Variants in NUCKS1 observed in about 807,000 individuals in gnomAD.
NUCKS1 encodes the protein nuclear ubiquitous casein and cyclin-dependent kinase substrate 1.
A neutral mutation model predicts 33.0 loss-of-function variants in NUCKS1; 2 were observed. The observed-to-expected ratio is 0.06, with a 90% CI of 0.02 to 0.19. NUCKS1 has a LOEUF of 0.19. NUCKS1 is among the 10% of genes least tolerant of loss of function. NUCKS1 has a pLI of 1.00. For missense variants in NUCKS1, 201 were observed against 293.6 expected (o/e 0.68, Z 2.31); for synonymous variants, 106 against 102.8 (o/e 1.03, Z -0.19).
At chr1:205,744,943 T>C (rs1459845136) in intron 1 of NUCKS1, among the ~76,000 whole-genome samples, 1 of 152,154 alleles carries the variant, frequency 6.6e-6, no homozygotes. Context: ...TCACGAGAGA[T>C]ATTAATGTGA....
chr1:205,742,999 G>A (rs1316853550), intron 1 of NUCKS1, among the ~76,000 whole-genome samples: 1 of 152,100 alleles, frequency 6.6e-6, no homozygotes, highest in African/African-American at 2.4e-5. Context: ...TTTTTAAAAT[G>A]CAAATTTAAC....
At chr1:205,730,682 T>C (rs552509435) in intron 1 of NUCKS1, among the ~76,000 whole-genome samples, 2 of 151,752 alleles carry the variant, frequency 1.3e-5, no homozygotes, top group African/African-American at 4.8e-5. Context: ...AGAGACGGGG[T>C]TTCACCATGT....
At chr1:205,732,664 C>T (rs538006576) in intron 1 of NUCKS1, among the ~76,000 whole-genome samples, 5 of 150,894 alleles carry the variant, frequency 3.3e-5, no homozygotes, top group Non-Finnish European at 7.4e-5. Flanking sequence ...GCCTGTAGTG[C>T]CAGCTACTTG....
At position 205,718,389 on chromosome 1, in the gene NUCKS1, T is replaced by C. The variant is rs1671866179; in HGVS notation, c.623A>G (p.Glu208Gly). 1.9e-6 allele frequency: 3 copies of C among 1,613,658 alleles called. No individual in the cohort carries two copies. The highest frequency in any genetic ancestry group is 4.5e-5 in the East Asian group (2 of 44,888). The change falls in exon 7 of 7, where the codon GAA becomes GGA. Residue 208 changes from glutamate to glycine, a missense_variant. Physicochemically the swap from Glu to Gly is moderately conservative, Grantham distance 98. Coordinates refer to ENST00000367142, the MANE Select transcript of NUCKS1 (RefSeq NM_022731.5). ...TGGCGGGCTTTCCGGTTCCTCATCT[T>C]CTTCTTTGGGAGAAGGAGTCTTTTC... ...SKEKTPSPKE[E>G]DEEPESPPEK...
In NUCKS1 at chr1:205,715,252, G is replaced by A. The variant is rs1220768050; in HGVS notation, c.*3028C>T. On this transcript the variant is annotated 3_prime_UTR_variant, in exon 7 of 7. Transcript: ENST00000367142. ...GTATTAAAATGAGGATTGAACTGGGGCAAACAGGTTATTGTGAAAACAGTC... is the reference window on the plus strand; with the variant it reads ...GTATTAAAATGAGGATTGAACTGGGACAAACAGGTTATTGTGAAAACAGTC... 6.6e-6 allele frequency: 1 copy of A among 152,176 alleles called. No individual in the cohort carries two copies. The highest frequency in any genetic ancestry group is 6.5e-5 in the Admixed American group (1 of 15,272). The allele number at this position is 152,176 out of a possible 1,614,324, so 9.4% of individuals were successfully genotyped here. A position where few individuals can be genotyped will look rare whatever the true frequency, so the allele number is the denominator to read the frequency against.
chr1:205,743,479 T>C (rs1654233095), intron 1 of NUCKS1, among the ~76,000 whole-genome samples: 1 of 152,224 alleles, frequency 6.6e-6, no homozygotes, highest in Non-Finnish European at 1.5e-5. Context: ...ACTTAACCTA[T>C]TTGTAACCTC....
In NUCKS1 at chr1:205,717,723, A is replaced by G; in HGVS notation, c.*557T>C. 1 of 985,386 alleles carries G rather than the reference A, an allele frequency of 1.0e-6. No individual in the cohort carries two copies. Among genetic ancestry groups the G allele is most frequent in the Non-Finnish European group, 1.2e-6 (1 of 829,928 alleles). The allele number at this position is 985,386 out of a possible 1,614,324, so 61.0% of individuals were successfully genotyped here. A position where few individuals can be genotyped will look rare whatever the true frequency, so the allele number is the denominator to read the frequency against. ...ACCTGCCTCATCGGTGGAAGTTTAAAGTCATGATTTTTTTTAGACATTGAT... is the reference window on the plus strand; with the variant it reads ...ACCTGCCTCATCGGTGGAAGTTTAAGGTCATGATTTTTTTTAGACATTGAT... On this transcript the variant is annotated 3_prime_UTR_variant, in exon 7 of 7. Coordinates refer to ENST00000367142, the MANE Select transcript of NUCKS1 (RefSeq NM_022731.5).
At chr1:205,741,709 A>G (rs1654180044) in intron 1 of NUCKS1, among the ~76,000 whole-genome samples, 1 of 152,246 alleles carries the variant, frequency 6.6e-6, no homozygotes, top group South Asian at 2.1e-4. Context: ...ATGAAGCAGT[A>G]TCTTGATAGA....
rs1482582599 is a variant in NUCKS1 at position 205,714,721 on chromosome 1, ATT to A, written c.*3557_*3558del. On this transcript the variant is annotated 3_prime_UTR_variant, in exon 7 of 7. Transcript: ENST00000367142. ...ACCTCAAGAGCAACCAGCTTGTTAC[ATT>A]TTCCCTATCCTATGGCAGGAAATGC... 2.6e-5 allele frequency: 4 copies of A among 152,100 alleles called. No homozygotes were observed. Among genetic ancestry groups the A allele is most frequent in the Non-Finnish European group, 5.9e-5 (4 of 68,018 alleles). 9.4% of individuals were successfully genotyped at this position (152,100 alleles called of 1,614,324 possible). A position where few individuals can be genotyped will look rare whatever the true frequency, so the allele number is the denominator to read the frequency against.
intron 1 of NUCKS1, among the ~76,000 whole-genome samples, chr1:205,744,852 G>A (rs575093298): frequency 7.9e-5 from 12 of 151,864 alleles, no homozygotes; most frequent in Non-Finnish European, 1.3e-4. Context: ...GGCTGGTCTC[G>A]AACTCCCGAC....
Position 205,717,674 on chromosome 1 carries a change from G to A in NUCKS1, c.*606C>T. On this transcript the variant is annotated 3_prime_UTR_variant, in exon 7 of 7. Transcript: ENST00000367142. ...TAAAAAATGAGTACTTTTAGTAACA[G>A]TTCAGAATTCATCTTTATCTCCTAC... is the stretch of plus-strand genomic sequence containing the variant. 1.0e-6 allele frequency: 1 copy of A among 985,164 alleles called. No individual in the cohort carries two copies. Among genetic ancestry groups the A allele is most frequent in the Non-Finnish European group, 1.2e-6 (1 of 829,892 alleles). The allele number at this position is 985,164 out of a possible 1,614,324, so 61.0% of individuals were successfully genotyped here.
At chr1:205,729,496 G>GC in intron 2 of NUCKS1, 76 bp downstream of exon 2, 1 of 972,590 alleles carries the variant, frequency 1.0e-6, no homozygotes. Flanking sequence ...TATTCCAAAA[G>GC]CATAATAAAA....
At chr1:205,727,834 C>G (rs1653815577) in intron 2 of NUCKS1, 29 bp from the exon 3 acceptor site, 1 of 1,440,364 alleles carries the variant, frequency 6.9e-7, no homozygotes, top group East Asian at 2.3e-5. Context: ...ACTTAATTAA[C>G]TATGATTTTT....
chr1:205,742,116 T>C (rs1654191584), intron 1 of NUCKS1, among the ~76,000 whole-genome samples: 1 of 152,242 alleles, frequency 6.6e-6, no homozygotes. Flanking sequence ...CACCGACTTT[T>C]ACTCTTTCAG....
At chr1:205,735,942 A>G (rs1654023586) in intron 1 of NUCKS1, among the ~76,000 whole-genome samples, 2 of 152,132 alleles carry the variant, frequency 1.3e-5, no homozygotes, top group African/African-American at 4.8e-5. Flanking sequence ...TAATACCAAA[A>G]TATCTCTTTT....
At position 205,732,652 on chromosome 1, in the gene NUCKS1, G is replaced by A. The variant is rs921068957; in HGVS notation, c.18-3031C>T. ...AAAAATTAGCTGGGCGTGGTGGTGC[G>A]TGCCTGTAGTGCCAGCTACTTGGGA... is the stretch of plus-strand genomic sequence containing the variant. On this transcript the variant is annotated intron_variant, in intron 1 of 6. Coordinates refer to ENST00000367142, the MANE Select transcript of NUCKS1 (RefSeq NM_022731.5). Among the ~76,000 whole-genome samples, 3 of 151,666 alleles carry A rather than the reference G, an allele frequency of 2.0e-5. No individual in the cohort carries two copies. In the East Asian group the frequency reaches 5.8e-4, roughly 29 times the overall value.
At chr1:205,729,296 ACACTGTAT>A (rs1162646255) in intron 2 of NUCKS1, among the ~76,000 whole-genome samples, 1 of 152,166 alleles carries the variant, frequency 6.6e-6, no homozygotes, top group East Asian at 1.9e-4. Flanking sequence ...TAAGCAATGA[ACACTGTAT>A]CAGAATTACT....
intron 1 of NUCKS1, among the ~76,000 whole-genome samples, chr1:205,732,797 T>TAAAAAAAAAAAAAAA (rs1653947549): frequency 7.8e-5 from 5 of 63,910 alleles, no homozygotes; most frequent in Non-Finnish European, 1.2e-4. Context: ...AAAAAAAAAG[T>TAAAAAAAAAAAAAAA]TAAGATGGTA....
intron 3 of NUCKS1, 29 bp from the exon 4 acceptor site, chr1:205,724,010 A>C (rs1464105980): frequency 6.4e-7 from 1 of 1,556,390 alleles, no homozygotes; most frequent in Admixed American, 1.7e-5. Flanking sequence ...AAGCAAATGC[A>C]TAAAAGTCTT....
Sources: allele counts gnomAD v4.1 joint callset (sites outside exome capture counted in the v4.1 genomes callset), GRCh38; gene constraint gnomAD v4.1.1; transcripts MANE v1.5; gene names NCBI Gene and HGNC (gene_info 2026-07-23, HGNC 2026-07-21).